Variants in RTN4RL1 observed in about 807,000 individuals in gnomAD.
RTN4RL1 encodes the protein reticulon 4 receptor like 1.
In RTN4RL1, 7 loss-of-function variants were observed where a neutral mutation model predicts 25.6. The ratio of observed to expected loss-of-function variants is 0.27; its 90% CI spans 0.16 to 0.51. The LOEUF is 0.51. Among genes scored for constraint, RTN4RL1 ranks in the 20% least tolerant of loss-of-function variants. The probability of loss-of-function intolerance (pLI) is 0.97; values close to 1 mark genes in which losing one functional copy is unlikely to be tolerated. For synonymous variants in RTN4RL1, 297 were observed against 288.2 expected, an observed-to-expected ratio of 1.03 and a Z score of -0.31; for missense variants, 500 against 615.6, an observed-to-expected ratio of 0.81 and a Z score of 1.99.
intron 1 of RTN4RL1, among the ~76,000 whole-genome samples, chr17:1,980,275 T>C (rs2066861656): frequency 2.6e-5 from 4 of 151,240 alleles, no homozygotes; most frequent in African/African-American, 7.3e-5. Flanking sequence ...CTCACTATGT[T>C]GCCCAGCCTG....
At chr17:1,977,603 G>C (rs1005456233) in intron 1 of RTN4RL1, among the ~76,000 whole-genome samples, 4 of 152,184 alleles carry the variant, frequency 2.6e-5, no homozygotes, top group African/African-American at 9.7e-5. Flanking sequence ...CCTGGCCAGA[G>C]ACCGCGGGGC....
intron 1 of RTN4RL1, among the ~76,000 whole-genome samples, chr17:1,959,510 C>T (rs1024102336): frequency 6.6e-6 from 1 of 152,164 alleles, no homozygotes; most frequent in Non-Finnish European, 1.5e-5. Flanking sequence ...TGAAACTTCT[C>T]TCTTCTGTAG....
intron 1 of RTN4RL1, 135 bp downstream of exon 1, chr17:2,024,718 G>T: frequency 1.3e-6 from 1 of 789,212 alleles, no homozygotes; most frequent in Non-Finnish European, 1.9e-6. Context: ...CCCTCGGCGG[G>T]TGCGCCCGGC....
Position 1,936,187 on chromosome 17 carries a change from T to G in RTN4RL1, c.*309A>C. The G allele has an allele frequency of 8.4e-7, 1 of 1,196,986 alleles. No individual in the cohort carries two copies. The highest frequency in any genetic ancestry group is 1.0e-6 in the Non-Finnish European group (1 of 962,876). The allele number at this position is 1,196,986 out of a possible 1,614,324, so 74.1% of individuals were successfully genotyped here. ...CCGGTGCCGCCGTCGGGGGCAATTG[T>G]CCCACTGTTGCCAGTGGAGGATGCA... On this transcript the variant is annotated 3_prime_UTR_variant, in exon 2 of 2. Transcript: ENST00000331238.
At chr17:2,007,522 C>A (rs1029541568) in intron 1 of RTN4RL1, among the ~76,000 whole-genome samples, 1 of 152,174 alleles carries the variant, frequency 6.6e-6, no homozygotes, top group South Asian at 2.1e-4. Context: ...TGCTCCCCTG[C>A]CTCTGCTCAG....
rs1915271781 is a variant in RTN4RL1, at chr17:1,935,255, A to C, written c.*1241T>G. The C allele has an allele frequency of 6.5e-6, 1 of 153,232 alleles. No individual in the cohort carries two copies. The highest frequency in any genetic ancestry group is 1.5e-5 in the Non-Finnish European group (1 of 68,526). 9.5% of individuals were successfully genotyped at this position (153,232 alleles called of 1,614,324 possible). ...TGCTGCCTGGCCTGCTGGTTTCCAGATCCCAAAGCCCCTTCCTTCCCCTTC... is the reference window on the plus strand; with the variant it reads ...TGCTGCCTGGCCTGCTGGTTTCCAGCTCCCAAAGCCCCTTCCTTCCCCTTC... On this transcript the variant is annotated 3_prime_UTR_variant, in exon 2 of 2. Transcript: ENST00000331238.
intron 1 of RTN4RL1, among the ~76,000 whole-genome samples, chr17:1,939,708 G>A (rs924921352): frequency 2.6e-5 from 4 of 152,162 alleles, no homozygotes; most frequent in South Asian, 2.1e-4. Flanking sequence ...TAATAGCCCC[G>A]TGCTCATTAT....
At chr17:2,016,465 T>C (rs73294215) in intron 1 of RTN4RL1, among the ~76,000 whole-genome samples, 2,307 of 152,158 alleles carry the variant, frequency 0.015, 64 homozygotes, top group African/African-American at 0.053. Flanking sequence ...GGCCCAGAGA[T>C]GAGGAGACAT....
intron 1 of RTN4RL1, chr17:2,017,595 C>G (rs1170190211): frequency 6.6e-6 from 1 of 152,274 alleles, no homozygotes; most frequent in African/African-American, 2.4e-5. Context: ...CTCTGGTGCA[C>G]TAGGGTGTCC....
chr17:1,982,540 G>C (rs539457879), intron 1 of RTN4RL1, among the ~76,000 whole-genome samples: 3 of 152,248 alleles, frequency 2.0e-5, no homozygotes, highest in Non-Finnish European at 2.9e-5. Flanking sequence ...GCATGAACCA[G>C]GGAGCGGAGG....
chr17:2,010,336 G>A (rs887471493), intron 1 of RTN4RL1, among the ~76,000 whole-genome samples: 8 of 151,974 alleles, frequency 5.3e-5, no homozygotes, highest in African/African-American at 1.5e-4. Context: ...AACTAGCCAG[G>A]CACGATGGCA....
chr17:1,983,928 C>T (rs1271245727), intron 1 of RTN4RL1, among the ~76,000 whole-genome samples: 1 of 152,184 alleles, frequency 6.6e-6, no homozygotes, highest in Non-Finnish European at 1.5e-5. Flanking sequence ...CGGAACCCTG[C>T]TCCCTCCCGG....
intron 1 of RTN4RL1, among the ~76,000 whole-genome samples, chr17:1,950,179 G>T (rs916572921): frequency 6.6e-6 from 1 of 152,196 alleles, no homozygotes; most frequent in African/African-American, 2.4e-5. Flanking sequence ...AAGGAGGGAG[G>T]CCTGTGGCCG....
intron 1 of RTN4RL1, among the ~76,000 whole-genome samples, chr17:2,006,441 G>GT (rs1173406187): frequency 6.6e-6 from 1 of 151,542 alleles, no homozygotes; most frequent in African/African-American, 2.4e-5. Flanking sequence ...GATTACAGGC[G>GT]TAAGCCACTG....
intron 1 of RTN4RL1, among the ~76,000 whole-genome samples, chr17:2,002,069 A>C (rs1422541899): frequency 6.6e-6 from 1 of 151,702 alleles, no homozygotes; most frequent in African/African-American, 2.4e-5. Flanking sequence ...GCTGACAAGC[A>C]TCGGAGGTTG....
At chr17:2,007,700 C>CTT (rs2067009472) in intron 1 of RTN4RL1, among the ~76,000 whole-genome samples, 1 of 152,154 alleles carries the variant, frequency 6.6e-6, no homozygotes. Context: ...AATCCCAGCA[C>CTT]TTTGGGAGGC....
intron 1 of RTN4RL1, among the ~76,000 whole-genome samples, chr17:1,991,023 A>G (rs1325575065): frequency 2.0e-5 from 3 of 152,116 alleles, no homozygotes; most frequent in Non-Finnish European, 2.9e-5. Context: ...GCACCAACCC[A>G]TGTGCAATTT....
At chr17:1,938,079 C>G (rs565199645) in intron 1 of RTN4RL1, among the ~76,000 whole-genome samples, 4 of 152,100 alleles carry the variant, frequency 2.6e-5, no homozygotes, top group African/African-American at 9.7e-5. Flanking sequence ...AGTTCCACCC[C>G]ACAGCTGCTG....
At chr17:1,964,115 A>T (rs556745011) in intron 1 of RTN4RL1, among the ~76,000 whole-genome samples, 107 of 152,330 alleles carry the variant, frequency 7.0e-4, no homozygotes, top group Middle Eastern at 3.4e-3. Context: ...CCTCCGGAAC[A>T]GTCTGGGGCT....
Sources: allele counts gnomAD v4.1 joint callset (sites outside exome capture counted in the v4.1 genomes callset), GRCh38; gene constraint gnomAD v4.1.1; transcripts MANE v1.5; gene names NCBI Gene and HGNC (gene_info 2026-07-23, HGNC 2026-07-21).